Variants in KIAA0513 observed in about 807,000 individuals in gnomAD.
KIAA0513 encodes the protein uncharacterized protein KIAA0513.
In KIAA0513, 39 loss-of-function variants were observed where a neutral mutation model predicts 56.5. The observed-to-expected ratio is 0.69, with a 90% CI of 0.53 to 0.90. The LOEUF (loss-of-function observed/expected upper bound fraction) is 0.90, where lower values mean the gene tolerates loss of function less well. Among genes scored for constraint, KIAA0513 ranks in the 40% least tolerant of loss-of-function variants. The probability of loss-of-function intolerance (pLI) is 0.00; values close to 1 mark genes in which losing one functional copy is unlikely to be tolerated. For synonymous variants in KIAA0513, 268 were observed against 215.6 expected, an observed-to-expected ratio of 1.24 and a Z score of -2.13; for missense variants, 591 against 535.2, an observed-to-expected ratio of 1.10 and a Z score of -1.03.
At chr16:85,058,566 C>T (rs1462636844) in intron 1 of KIAA0513, among the ~76,000 whole-genome samples, 3 of 151,414 alleles carry the variant, frequency 2.0e-5, no homozygotes, top group Non-Finnish European at 2.9e-5. Flanking sequence ...GCAGGAGAAT[C>T]GCATGAATCC....
At chr16:85,063,176 T>C (rs1225525375) in intron 1 of KIAA0513, 1 of 152,210 alleles carries the variant, frequency 6.6e-6, no homozygotes, top group Non-Finnish European at 1.5e-5. Context: ...TCAGGGCTTC[T>C]GGGAGAGGGT....
intron 11 of KIAA0513, 155 bp downstream of exon 11, chr16:85,086,879 G>T (rs776705134): frequency 2.4e-6 from 2 of 843,016 alleles, no homozygotes; most frequent in Non-Finnish European, 3.7e-6. Context: ...TAATTAATCC[G>T]CCTCCTACAC....
At chr16:85,063,488 A>T (rs2143990996) in intron 1 of KIAA0513, 1 of 150,338 alleles carries the variant, frequency 6.7e-6, no homozygotes, top group Non-Finnish European at 1.5e-5. Flanking sequence ...CTGGTCTTGA[A>T]CTCCTGACCT....
intron 2 of KIAA0513, among the ~76,000 whole-genome samples, chr16:85,071,275 G>A (rs762413269): frequency 4.6e-5 from 7 of 152,212 alleles, no homozygotes; most frequent in Admixed American, 6.5e-5. Context: ...ATGAGCGAGC[G>A]CCCCGCTGAT....
intron 2 of KIAA0513, among the ~76,000 whole-genome samples, chr16:85,069,884 G>T (rs2144028523): frequency 6.6e-6 from 1 of 152,206 alleles, no homozygotes; most frequent in East Asian, 1.9e-4. Context: ...AGAATTTGTG[G>T]CCAGGCTCAG....
chr16:85,076,279 G>A lies in KIAA0513; in HGVS notation c.574+365G>A, dbSNP rs1022950257. Among the ~76,000 whole-genome samples, 1 of 152,186 alleles carries A rather than the reference G, an allele frequency of 6.6e-6. No individual in the cohort carries two copies. Among genetic ancestry groups the A allele is most frequent in the African/African-American group, 2.4e-5 (1 of 41,442 alleles). On this transcript the variant is annotated intron_variant, in intron 5 of 12. Transcript: ENST00000683363. The surrounding 1 kb of genome is among the most constrained non-coding windows in gnomAD (Gnocchi z 4.7). ...GTTTTATGTTTTACCAAAACAAGAC[G>A]ACACAGTTGGTTGTTGGAGGGTGGT...
chr16:85,078,963 A>G lies in KIAA0513; in HGVS notation c.862A>G (p.Lys288Glu). Residue 288 changes from lysine to glutamate, a missense_variant, in exon 8 of 13, where the codon AAG becomes GAG. Transcript: ENST00000683363. ...CCCCGAGGACGAAAAGAAGGGGGAG[A>G]AGATCTACCTGTACACGCACCTGAA... ...YSPEDEKKGE[K>E]IYLYTHLKQQ... is the part of the protein sequence containing the mutation. The G allele has an allele frequency of 6.2e-7, 1 of 1,614,098 alleles. No homozygotes were observed. The highest frequency in any genetic ancestry group is 8.5e-7 in the Non-Finnish European group (1 of 1,180,004).
In KIAA0513 at chr16:85,075,922, A is replaced by G; in HGVS notation, c.574+8A>G. 6.2e-7 allele frequency: 1 copy of G among 1,607,894 alleles called. No homozygotes were observed. Among genetic ancestry groups the G allele is most frequent in the Non-Finnish European group, 8.5e-7 (1 of 1,174,358 alleles). On this transcript the variant is annotated splice_region_variant and intron_variant, in intron 5 of 12. Coordinates refer to ENST00000683363, the MANE Select transcript of KIAA0513 (RefSeq NM_001388359.1). ...TCACCTACTACCACATCGGTAAGAC[A>G]TGGGTGGGCTGATGTGGGGCTCACC...
rs2073813563 is a variant in KIAA0513, at chr16:85,086,738, T to A, written c.1091+14T>A. On this transcript the variant is annotated intron_variant, in intron 11 of 12. Coordinates refer to ENST00000683363, the MANE Select transcript of KIAA0513 (RefSeq NM_001388359.1). ...CGGGCAGCTGGGGTAAGGGCCAGAG[T>A]GGGAAAGCGGGAGGGGAGAGGGGGG... The A allele has an allele frequency of 6.2e-7, 1 of 1,603,062 alleles. No homozygotes were observed. Among genetic ancestry groups the A allele is most frequent in the African/African-American group, 1.4e-5 (1 of 72,588 alleles).
intron 1 of KIAA0513, among the ~76,000 whole-genome samples, chr16:85,035,483 G>C (rs1484600305): frequency 1.3e-5 from 2 of 152,052 alleles, no homozygotes; most frequent in Admixed American, 1.3e-4. Context: ...TGTTTGTTTT[G>C]TTTTTTGTTT....
At chr16:85,044,827 G>C (rs573109137) in intron 1 of KIAA0513, among the ~76,000 whole-genome samples, 16 of 151,548 alleles carry the variant, frequency 1.1e-4, no homozygotes, top group African/African-American at 3.6e-4. Flanking sequence ...TCTTAAGAAA[G>C]AAGGCATTTG....
At position 85,089,861 on chromosome 16, in the gene KIAA0513, C is replaced by T. The variant is rs2073850672; in HGVS notation, c.*1536C>T. The T allele has an allele frequency of 6.6e-6, 1 of 152,192 alleles. No homozygotes were observed. The highest frequency in any genetic ancestry group is 2.1e-4 in the South Asian group (1 of 4,814). The allele number at this position is 152,192 out of a possible 1,614,324, so 9.4% of individuals were successfully genotyped here. On this transcript the variant is annotated 3_prime_UTR_variant, in exon 13 of 13. Coordinates refer to ENST00000683363, the MANE Select transcript of KIAA0513 (RefSeq NM_001388359.1). This position sits in a 1 kb window ranked among gnomAD's most constrained non-coding sequence, Gnocchi z 4.2. ...TCTGTGCTGCAGATTGGTTGGATCACAGAATGTGTGTCTGGGGCATTATCT... is the reference window on the plus strand; with the variant it reads ...TCTGTGCTGCAGATTGGTTGGATCATAGAATGTGTGTCTGGGGCATTATCT...
At chr16:85,034,157 T>C (rs2073003963) in intron 1 of KIAA0513, among the ~76,000 whole-genome samples, 1 of 152,112 alleles carries the variant, frequency 6.6e-6, no homozygotes, top group African/African-American at 2.4e-5. Context: ...GGCAGGTGGA[T>C]CACTGGAGGT....
chr16:85,082,628 A>G lies in KIAA0513; in HGVS notation c.1010+35A>G, dbSNP rs775148425. 7.4e-6 allele frequency: 12 copies of G among 1,612,326 alleles called. No homozygotes were observed. The South Asian group carries it at 1.2e-4, about 16-fold the overall frequency. Reference sequence around the variant, plus strand: ...TCCACGTGACTTTGTTCCATTTTACAGTGCGGGCTCCTGCGAAGGCCACTG... The same window carrying G: ...TCCACGTGACTTTGTTCCATTTTACGGTGCGGGCTCCTGCGAAGGCCACTG... On this transcript the variant is annotated intron_variant, in intron 10 of 12. Coordinates refer to ENST00000683363, the MANE Select transcript of KIAA0513 (RefSeq NM_001388359.1).
chr16:85,071,521 C>G (rs2073573599), intron 2 of KIAA0513, among the ~76,000 whole-genome samples: 1 of 152,204 alleles, frequency 6.6e-6, no homozygotes, highest in Non-Finnish European at 1.5e-5. Flanking sequence ...GGCTTTGGAA[C>G]CAGGAAGGCT....
intron 7 of KIAA0513, 70 bp from the exon 8 acceptor site, chr16:85,078,855 G>A: frequency 6.5e-7 from 1 of 1,530,412 alleles, no homozygotes; most frequent in Non-Finnish European, 9.1e-7. Flanking sequence ...CTGGGAGGCT[G>A]TCACCCGGGG....
Position 85,079,014 on chromosome 16 carries a change from G to T in KIAA0513, c.902+11G>T. ...GCAACAGCCCATCTGGTAAGGCCGAGCCCGCGGCTTCCCGTCACCCTCTTA... is the reference window on the plus strand; with the variant it reads ...GCAACAGCCCATCTGGTAAGGCCGATCCCGCGGCTTCCCGTCACCCTCTTA... On this transcript the variant is annotated intron_variant, in intron 8 of 12. Coordinates refer to ENST00000683363, the MANE Select transcript of KIAA0513 (RefSeq NM_001388359.1). 6.2e-7 allele frequency: 1 copy of T among 1,614,126 alleles called. No homozygotes were observed. The highest frequency in any genetic ancestry group is 1.3e-5 in the African/African-American group (1 of 75,048).
intron 1 of KIAA0513, among the ~76,000 whole-genome samples, chr16:85,059,991 C>T (rs1265755990): frequency 5.3e-5 from 8 of 152,202 alleles, no homozygotes; most frequent in Non-Finnish European, 1.2e-4. Flanking sequence ...GACTGAGTCT[C>T]ATTCTGTTGC....
chr16:85,029,517 A>G (rs913308165), intron 1 of KIAA0513, among the ~76,000 whole-genome samples: 4 of 152,246 alleles, frequency 2.6e-5, no homozygotes, highest in Non-Finnish European at 5.9e-5. Flanking sequence ...TCACGACAAT[A>G]ACTGCTTCTT....
Sources: allele counts gnomAD v4.1 joint callset (sites outside exome capture counted in the v4.1 genomes callset), GRCh38; gene constraint gnomAD v4.1.1; non-coding constraint Gnocchi (gnomAD v3.1); transcripts MANE v1.5; gene names NCBI Gene and HGNC (gene_info 2026-07-23, HGNC 2026-07-21).